DAB1: variants seen among roughly 807,000 people sequenced by gnomAD.
DAB1 encodes disabled homolog 1.
DAB1 carries 15 observed loss-of-function variants against 64.6 expected under a neutral mutation model. That is an observed-to-expected ratio of 0.23 (90% CI 0.16 to 0.36). The LOEUF is 0.36. Ranked by LOEUF, DAB1 falls within the 10% of genes least tolerant of loss-of-function variation. The pLI is 1.00. For synonymous variants in DAB1, 235 were observed against 251.9 expected (o/e 0.93, Z 0.64); for missense variants, 596 against 706.7 (o/e 0.84, Z 1.78).
intron 5 of DAB1, among the ~76,000 whole-genome samples, chr1:58,079,575 TGCAATGGC>T (rs1649867715): frequency 7.8e-6 from 1 of 128,716 alleles, no homozygotes; most frequent in African/African-American, 3.0e-5. Context: ...CAGGTTGGAG[TGCAATGGC>T]GCAATCTCGG....
chr1:58,225,977 AC>A (rs1425806362), intron 4 of DAB1, among the ~76,000 whole-genome samples: 19 of 123,380 alleles, frequency 1.5e-4, no homozygotes, highest in Admixed American at 1.1e-3. Flanking sequence ...AAAAAAAAAA[AC>A]CTGAGGCTCA....
At chr1:57,498,188 T>C (rs1317980492) in intron 7 of DAB1, among the ~76,000 whole-genome samples, 3 of 152,180 alleles carry the variant, frequency 2.0e-5, no homozygotes, top group Non-Finnish European at 4.4e-5. Context: ...GTTTTGGGTA[T>C]GTTGAATTCG....
intron 2 of DAB1, among the ~76,000 whole-genome samples, chr1:57,148,924 A>G (rs1284372798): frequency 6.6e-6 from 1 of 152,214 alleles, no homozygotes; most frequent in African/African-American, 2.4e-5. Context: ...ACAGAATTGT[A>G]TAACCATCAC....
intron 5 of DAB1, among the ~76,000 whole-genome samples, chr1:57,994,178 C>A (rs1462666173): frequency 6.6e-6 from 1 of 152,146 alleles, no homozygotes; most frequent in East Asian, 1.9e-4. Context: ...AGCAAGGTAA[C>A]CCAGCTGAGA....
intron 1 of DAB1, among the ~76,000 whole-genome samples, chr1:57,344,583 C>T (rs867540028): frequency 6.6e-6 from 1 of 151,998 alleles, no homozygotes; most frequent in Middle Eastern, 3.2e-3. Flanking sequence ...CCCACAGTCA[C>T]CCTGATGAAT....
At chr1:58,385,086 T>C (rs1391124760) in intron 3 of DAB1, among the ~76,000 whole-genome samples, 2 of 152,200 alleles carry the variant, frequency 1.3e-5, no homozygotes. Context: ...GTTCTTACTA[T>C]AAAAACAAGC....
intron 2 of DAB1, among the ~76,000 whole-genome samples, chr1:57,164,663 GA>G (rs1661064121): frequency 6.6e-6 from 1 of 152,166 alleles, no homozygotes; most frequent in Admixed American, 6.5e-5. Flanking sequence ...GCCTGGCTAA[GA>G]GGAAGCCAAT....
At chr1:57,925,899 G>A (rs1570007097) in intron 5 of DAB1, among the ~76,000 whole-genome samples, 3 of 152,294 alleles carry the variant, frequency 2.0e-5, no homozygotes, top group South Asian at 4.1e-4. Context: ...ATTTAAACAG[G>A]TCTGGGGTTT....
chr1:57,639,439 A>G, intron 7 of DAB1, among the ~76,000 whole-genome samples: 1 of 152,144 alleles, frequency 6.6e-6, no homozygotes, highest in East Asian at 1.9e-4. Flanking sequence ...TCCAATAAGG[A>G]ACTTTTCCAG....
intron 7 of DAB1, among the ~76,000 whole-genome samples, chr1:57,504,964 CAA>C (rs1303622414): frequency 6.6e-6 from 1 of 152,092 alleles, no homozygotes; most frequent in African/African-American, 2.4e-5. Context: ...ACCTCACAGC[CAA>C]GAGGAACTTA....
intron 7 of DAB1, among the ~76,000 whole-genome samples, chr1:57,532,317 G>T (rs968257643): frequency 1.2e-5 from 1 of 86,754 alleles, no homozygotes; most frequent in Non-Finnish European, 2.7e-5. Flanking sequence ...GAGCCTGTAG[G>T]CTCTTCATTC....
chr1:57,064,318 G>T lies in DAB1; in HGVS notation c.664-1375C>A, dbSNP rs529305019. Among the ~76,000 whole-genome samples, 4 of 152,300 alleles carry T rather than the reference G, an allele frequency of 2.6e-5. No individual in the cohort carries two copies. In the East Asian group the frequency reaches 7.7e-4, roughly 29 times the overall value. On this transcript the variant is annotated intron_variant, in intron 8 of 14. Coordinates refer to ENST00000371236, the MANE Select transcript of DAB1 (RefSeq NM_001365792.1). ...GACTTTGCCCAAATCGTCAAAGCTG[G>T]TAAGTGACCAGGTTCAAACCCAGCT...
intron 5 of DAB1, among the ~76,000 whole-genome samples, chr1:58,130,804 A>G (rs1483660495): frequency 1.5e-4 from 23 of 149,390 alleles, no homozygotes; most frequent in African/African-American, 2.2e-4. Context: ...CTTCTGGCTT[A>G]TAGGGTTTCT....
At chr1:57,220,499 T>C (rs1020075333) in intron 2 of DAB1, among the ~76,000 whole-genome samples, 3 of 152,334 alleles carry the variant, frequency 2.0e-5, no homozygotes, top group South Asian at 2.1e-4. Context: ...AGTCTTCTAA[T>C]AGCAGGTATT....
intron 4 of DAB1, among the ~76,000 whole-genome samples, chr1:58,306,686 G>A (rs1662317116): frequency 6.6e-6 from 1 of 152,106 alleles, no homozygotes; most frequent in Admixed American, 6.5e-5. Flanking sequence ...CAATACCCCT[G>A]CTTCCAGCTC....
At chr1:57,673,551 G>A (rs181903120) in intron 6 of DAB1, among the ~76,000 whole-genome samples, 2 of 152,058 alleles carry the variant, frequency 1.3e-5, no homozygotes, top group Non-Finnish European at 2.9e-5. Flanking sequence ...GAACATTGTG[G>A]ATGGATGAAT....
chr1:57,576,142 T>A (rs1306472324), intron 7 of DAB1, among the ~76,000 whole-genome samples: 1 of 152,200 alleles, frequency 6.6e-6, no homozygotes, highest in Non-Finnish European at 1.5e-5. Context: ...TTATTATTTT[T>A]ATTTTTTAAT....
At chr1:57,696,005 T>C (rs905703628) in intron 6 of DAB1, among the ~76,000 whole-genome samples, 2 of 152,204 alleles carry the variant, frequency 1.3e-5, no homozygotes, top group African/African-American at 2.4e-5. Context: ...TATGAATTCA[T>C]AGAGAACCTT....
chr1:57,838,267 A>T (rs1652900106), intron 1 of DAB1, among the ~76,000 whole-genome samples: 1 of 152,236 alleles, frequency 6.6e-6, no homozygotes, highest in African/African-American at 2.4e-5. Flanking sequence ...AAGTTAGGCT[A>T]TTGAGAAGTC....
Sources: gnomAD v4.1 joint callset for allele counts (sites outside exome capture counted in the v4.1 genomes callset) on GRCh38, gnomAD v4.1.1 for gene constraint, MANE v1.5 for transcripts, NCBI Gene and HGNC (gene_info 2026-07-23, HGNC 2026-07-21) for gene names.